ZNF562: variants seen among roughly 807,000 people sequenced by gnomAD.
The protein encoded by ZNF562 is zinc finger protein 562.
A neutral mutation model predicts 17.5 loss-of-function variants in ZNF562; 13 were observed. That is an observed-to-expected ratio of 0.74 (90% CI 0.48 to 1.18). ZNF562 has a LOEUF of 1.18. Among genes scored for constraint, ZNF562 ranks in the 50% most tolerant of loss-of-function variants. The pLI, the probability that ZNF562 is intolerant of heterozygous loss-of-function variation, is 0.00. For missense variants in ZNF562, 481 were observed against 498.5 expected, an observed-to-expected ratio of 0.96 and a Z score of 0.33; for synonymous variants, 163 against 165.4, an observed-to-expected ratio of 0.99 and a Z score of 0.11.
At chr19:9,660,634 T>A in intron 2 of ZNF562, 86 bp downstream of exon 2, 1 of 1,346,966 alleles carries the variant, frequency 7.4e-7, no homozygotes, top group Non-Finnish European at 1.0e-6. Flanking sequence ...GCAGCATGCC[T>A]GTTCAGGCCC....
rs2074820574 is a variant in ZNF562 at position 9,647,992 on chromosome 19, G to T, written c.*4957C>A. On this transcript the variant is annotated 3_prime_UTR_variant, in exon 6 of 6. Transcript: ENST00000453372. ...ACTCCTTGGCTCAAGGGATCTTTTT[G>T]CCTCAGCCTCCAAAAGTGCTGGGAT... is the stretch of plus-strand genomic sequence containing the variant. The T allele has an allele frequency of 6.6e-6, 1 of 152,116 alleles. No homozygotes were observed. Among genetic ancestry groups the T allele is most frequent in the Non-Finnish European group, 1.5e-5 (1 of 68,024 alleles). The allele number at this position is 152,116 out of a possible 1,614,324, so 9.4% of individuals were successfully genotyped here.
chr19:9,671,083 G>C (rs2044182487), intron 1 of ZNF562, among the ~76,000 whole-genome samples: 1 of 151,944 alleles, frequency 6.6e-6, no homozygotes, highest in Non-Finnish European at 1.5e-5. Flanking sequence ...GATCAGTAGG[G>C]TGACTACACT....
intron 1 of ZNF562, among the ~76,000 whole-genome samples, chr19:9,667,870 C>T (rs1449047089): frequency 6.6e-6 from 1 of 152,042 alleles, no homozygotes; most frequent in Admixed American, 6.6e-5. Context: ...GCTGGGATTA[C>T]AGGCATGAGC....
Position 9,645,112 on chromosome 19 carries a change from A to G in ZNF562, c.*7837T>C, listed in dbSNP as rs1304664289. ...CACCAGGCTGGAGTGCCGTGGCGCA[A>G]TATCAGCTCACTGTAACCTCCACCT... On this transcript the variant is annotated 3_prime_UTR_variant, in exon 6 of 6. Transcript: ENST00000453372. 2 of 151,764 alleles carry G rather than the reference A, an allele frequency of 1.3e-5. No homozygotes were observed. The highest frequency in any genetic ancestry group is 2.4e-5 in the African/African-American group (1 of 41,258). The allele number at this position is 151,764 out of a possible 1,614,324, so 9.4% of individuals were successfully genotyped here.
rs2074796526 is a variant in ZNF562, at chr19:9,644,894, C to A, written c.*8055G>T. 1 of 152,212 alleles carries A rather than the reference C, an allele frequency of 6.6e-6. No individual in the cohort carries two copies. Among genetic ancestry groups the A allele is most frequent in the Non-Finnish European group, 1.5e-5 (1 of 68,052 alleles). The allele number at this position is 152,212 out of a possible 1,614,324, so 9.4% of individuals were successfully genotyped here. Reference sequence around the variant, plus strand: ...CCAAACCATATCAGCTGGCAACTTGCTTGCAGCTCATAACATCAACTGTTT... The same window carrying A: ...CCAAACCATATCAGCTGGCAACTTGATTGCAGCTCATAACATCAACTGTTT... On this transcript the variant is annotated 3_prime_UTR_variant, in exon 6 of 6. Coordinates refer to ENST00000453372, the MANE Select transcript of ZNF562 (RefSeq NM_001130031.2).
In ZNF562 at chr19:9,657,971, G is replaced by A. The variant is rs1483678166; in HGVS notation, c.241+38C>T. On this transcript the variant is annotated intron_variant, in intron 4 of 5. Coordinates refer to ENST00000453372, the MANE Select transcript of ZNF562 (RefSeq NM_001130031.2). ...CTCCCAAGTATCTGGGACTACAGGT[G>A]CAGGCCACCATGCCAAGCAAAGTGA... 2.5e-6 allele frequency: 4 copies of A among 1,590,434 alleles called. No homozygotes were observed. The South Asian group carries it at 3.4e-5, about 14-fold the overall frequency.
chr19:9,662,936 C>T (rs971067734), intron 1 of ZNF562, among the ~76,000 whole-genome samples: 1 of 151,798 alleles, frequency 6.6e-6, no homozygotes, highest in Admixed American at 6.6e-5. Flanking sequence ...ATCACTCGAA[C>T]CCGGGAGGTG....
chr19:9,672,873 G>A (rs535502880), intron 1 of ZNF562, among the ~76,000 whole-genome samples: 6 of 148,906 alleles, frequency 4.0e-5, no homozygotes, highest in South Asian at 4.3e-4. Context: ...TCCGCCTCCC[G>A]GGTTAAAGTG....
At chr19:9,658,799 C>G (rs2043617579) in intron 3 of ZNF562, among the ~76,000 whole-genome samples, 1 of 151,538 alleles carries the variant, frequency 6.6e-6, no homozygotes, top group Non-Finnish European at 1.5e-5. Context: ...ATCTATCTAT[C>G]CAATCTTTTT....
At position 9,650,982 on chromosome 19, in the gene ZNF562, A is replaced by AAAAAAAAAAAAAAAAAAAAC. The variant is rs1599260751; in HGVS notation, c.*1966_*1967insGTTTTTTTTTTTTTTTTTTT. The AAAAAAAAAAAAAAAAAAAAC allele has an allele frequency of 1.4e-5, 2 of 146,144 alleles. No homozygotes were observed. The highest frequency in any genetic ancestry group is 2.2e-4 in the South Asian group (1 of 4,640). The allele number at this position is 146,144 out of a possible 1,614,324, so 9.1% of individuals were successfully genotyped here. A position where few individuals can be genotyped will look rare whatever the true frequency, so the allele number is the denominator to read the frequency against. Reference sequence around the variant, plus strand: ...AAAAAAAAAAAAAAAAAAAAAAAAAATCCTGTGTTTTTAACCTCATTGATT... The same window carrying AAAAAAAAAAAAAAAAAAAAC: ...AAAAAAAAAAAAAAAAAAAAAAAAAAAAAAAAAAAAAAAAAAAAACTCCTGTGTTTTTAACCTCATTGATT... On this transcript the variant is annotated 3_prime_UTR_variant, in exon 6 of 6. Coordinates refer to ENST00000453372, the MANE Select transcript of ZNF562 (RefSeq NM_001130031.2).
chr19:9,644,985 A>C lies in ZNF562; in HGVS notation c.*7964T>G, dbSNP rs1052356159. 2 of 152,016 alleles carry C rather than the reference A, an allele frequency of 1.3e-5. No individual in the cohort carries two copies. The highest frequency in any genetic ancestry group is 2.9e-5 in the Non-Finnish European group (2 of 68,032). The allele number at this position is 152,016 out of a possible 1,614,324, so 9.4% of individuals were successfully genotyped here. A position where few individuals can be genotyped will look rare whatever the true frequency, so the allele number is the denominator to read the frequency against. On this transcript the variant is annotated 3_prime_UTR_variant, in exon 6 of 6. Coordinates refer to ENST00000453372, the MANE Select transcript of ZNF562 (RefSeq NM_001130031.2). ...CCCTAAGCAGAGGAATACGAATTCA[A>C]ATCTTGATTTTCTCATTGCAGCTCA...
At chr19:9,655,843 CT>C (rs1343128818) in intron 5 of ZNF562, among the ~76,000 whole-genome samples, 1 of 147,094 alleles carries the variant, frequency 6.8e-6, no homozygotes, top group African/African-American at 2.5e-5. Context: ...AGCAATTGTC[CT>C]GCCTCAGCCG....
In ZNF562 at chr19:9,653,133, T is replaced by C; in HGVS notation, c.1097A>G (p.His366Arg). ...ACACTGATAGGGTTTCTCTCCAGTGTGATTTCGTATGTGTATAGCAAGGCC... is the reference window on the plus strand; with the variant it reads ...ACACTGATAGGGTTTCTCTCCAGTGCGATTTCGTATGTGTATAGCAAGGCC... Reference protein sequence around the residue: ...YTGLAIHIRNHTGEKPYQCKE... With the variant: ...YTGLAIHIRNRTGEKPYQCKE... Residue 366 changes from histidine to arginine, a missense_variant, in exon 6 of 6, where the codon CAC becomes CGC. This residue lies in a region of ZNF562 where 78 missense variants were observed against 112.0 expected (regional missense o/e 0.70). Coordinates refer to ENST00000453372, the MANE Select transcript of ZNF562 (RefSeq NM_001130031.2). 6.2e-7 allele frequency: 1 copy of C among 1,611,548 alleles called. No individual in the cohort carries two copies. Among genetic ancestry groups the C allele is most frequent in the Non-Finnish European group, 8.5e-7 (1 of 1,178,420 alleles).
intron 1 of ZNF562, among the ~76,000 whole-genome samples, chr19:9,672,510 T>C (rs2044232589): frequency 6.6e-6 from 1 of 152,258 alleles, no homozygotes; most frequent in South Asian, 2.1e-4. Flanking sequence ...ATGTTCAAGT[T>C]TTCCTTAGGA....
At chr19:9,673,198 C>G (rs1256218616) in intron 1 of ZNF562, among the ~76,000 whole-genome samples, 2 of 152,112 alleles carry the variant, frequency 1.3e-5, no homozygotes, top group African/African-American at 4.8e-5. Context: ...CCAATAGGGT[C>G]AGTTTAGATT....
chr19:9,668,859 T>G (rs2044045332), intron 1 of ZNF562, among the ~76,000 whole-genome samples: 1 of 151,726 alleles, frequency 6.6e-6, no homozygotes, highest in Admixed American at 6.6e-5. Flanking sequence ...ACCAAAAGCA[T>G]ACAATGGGAA....
intron 1 of ZNF562, among the ~76,000 whole-genome samples, chr19:9,661,105 A>G (rs1230235670): frequency 6.6e-6 from 1 of 152,168 alleles, no homozygotes; most frequent in Non-Finnish European, 1.5e-5. Flanking sequence ...TATCATAACC[A>G]TCCTTCCCAA....
intron 3 of ZNF562, chr19:9,658,384 T>C (rs2043602909): frequency 1.0e-6 from 1 of 982,406 alleles, no homozygotes; most frequent in Non-Finnish European, 1.2e-6. Context: ...AGTTTTGCTC[T>C]TTTTGCCCAG....
chr19:9,658,233 G>T, intron 3 of ZNF562, 98 bp from the exon 4 acceptor site: 2 of 1,430,330 alleles, frequency 1.4e-6, no homozygotes, highest in Admixed American at 2.5e-5. Flanking sequence ...ACTTATACGT[G>T]GTTCTCAAGT....
Sources: gnomAD v4.1 joint callset for allele counts (sites outside exome capture counted in the v4.1 genomes callset) on GRCh38, gnomAD v4.1.1 for gene constraint, gnomAD v4.1.1 regional missense constraint, MANE v1.5 for transcripts, NCBI Gene and HGNC (gene_info 2026-07-23, HGNC 2026-07-21) for gene names.